The following CADM2 variants were observed in gnomAD, a reference collection of about 807,000 sequenced individuals.
The protein encoded by CADM2 is immunoglobulin superfamily member 4D.
A neutral mutation model predicts 49.8 loss-of-function variants in CADM2; 12 were observed. The ratio of observed to expected loss-of-function variants is 0.24; its 90% CI spans 0.15 to 0.39. CADM2 has a LOEUF of 0.39. Ranked by LOEUF, CADM2 falls within the 10% of genes least tolerant of loss-of-function variation. CADM2 has a pLI of 1.00. For missense variants in CADM2, 378 were observed against 492.3 expected (o/e 0.77, Z 2.20); for synonymous variants, 214 against 175.4 (o/e 1.22, Z -1.74).
intron 1 of CADM2, among the ~76,000 whole-genome samples, chr3:85,725,452 A>G (rs1240961398): frequency 6.6e-6 from 1 of 152,002 alleles, no homozygotes. Context: ...CACATTTCCC[A>G]ATTAGGAGAT....
chr3:85,207,376 T>G (rs1489475258), intron 1 of CADM2, among the ~76,000 whole-genome samples: 1 of 152,160 alleles, frequency 6.6e-6, no homozygotes, highest in African/African-American at 2.4e-5. Context: ...GCTTTATATC[T>G]TGGGTAACAG....
At chr3:85,441,777 G>A (rs2107544540) in intron 1 of CADM2, among the ~76,000 whole-genome samples, 1 of 152,132 alleles carries the variant, frequency 6.6e-6, no homozygotes, top group Non-Finnish European at 1.5e-5. Context: ...TGAATAGAGT[G>A]GGAGGTTATG....
chr3:85,757,317 A>C (rs1453928144), intron 2 of CADM2, among the ~76,000 whole-genome samples: 1 of 152,114 alleles, frequency 6.6e-6, no homozygotes, highest in Non-Finnish European at 1.5e-5. Flanking sequence ...TTAATTGAAC[A>C]CCTACATTAC....
chr3:85,859,309 C>A (rs1281293260), intron 3 of CADM2, among the ~76,000 whole-genome samples: 1 of 137,178 alleles, frequency 7.3e-6, no homozygotes, highest in African/African-American at 2.8e-5. Flanking sequence ...TGGCTCACTG[C>A]AACCTCTGCC....
At chr3:85,649,185 T>G (rs975566535) in intron 1 of CADM2, among the ~76,000 whole-genome samples, 1 of 152,162 alleles carries the variant, frequency 6.6e-6, no homozygotes, top group African/African-American at 2.4e-5. Context: ...CACAGACTCT[T>G]AAGAGATTAA....
intron 6 of CADM2, among the ~76,000 whole-genome samples, chr3:85,924,830 G>T (rs995205860): frequency 6.6e-6 from 1 of 152,018 alleles, no homozygotes; most frequent in Non-Finnish European, 1.5e-5. Flanking sequence ...AACCCGCGAA[G>T]ATTTCTTATT....
intron 1 of CADM2, among the ~76,000 whole-genome samples, chr3:85,312,960 C>G (rs2044382791): frequency 6.6e-6 from 1 of 152,152 alleles, no homozygotes; most frequent in Non-Finnish European, 1.5e-5. Context: ...TTCAACTGTG[C>G]ATTTCCCCTT....
intron 3 of CADM2, among the ~76,000 whole-genome samples, chr3:85,819,481 A>G (rs1428314116): frequency 1.3e-5 from 2 of 152,230 alleles, no homozygotes; most frequent in Non-Finnish European, 2.9e-5. Context: ...TTAAGCAACA[A>G]AAAACTAATT....
intron 2 of CADM2, among the ~76,000 whole-genome samples, chr3:85,764,702 G>A (rs2069568236): frequency 6.6e-6 from 1 of 151,934 alleles, no homozygotes; most frequent in Non-Finnish European, 1.5e-5. Context: ...AAAGGACTGT[G>A]GAAATAACCT....
At chr3:85,088,090 C>G (rs1265884615) in intron 1 of CADM2, among the ~76,000 whole-genome samples, 1 of 152,086 alleles carries the variant, frequency 6.6e-6, no homozygotes, top group Non-Finnish European at 1.5e-5. Flanking sequence ...AATTTTCTGT[C>G]TAATCCTGAA....
chr3:85,498,031 T>C (rs532724853), intron 1 of CADM2, among the ~76,000 whole-genome samples: 1 of 152,230 alleles, frequency 6.6e-6, no homozygotes, highest in African/African-American at 2.4e-5. Flanking sequence ...TTCATAGTAA[T>C]GGACATACAC....
At chr3:85,672,242 G>C (rs2065762654) in intron 1 of CADM2, among the ~76,000 whole-genome samples, 1 of 140,938 alleles carries the variant, frequency 7.1e-6, no homozygotes, top group Non-Finnish European at 1.5e-5. Context: ...GCCCAGGCCA[G>C]AGTGCAGTGG....
chr3:85,950,685 A>G lies in CADM2; in HGVS notation c.792-10784A>G, dbSNP rs560811843. ...GAGGCAAGAAGTGCCTTAAAAAATC[A>G]GAATCAAGTAGCACATGCTGATATT... On this transcript the variant is annotated intron_variant, in intron 7 of 9. Coordinates refer to ENST00000383699, the MANE Select transcript of CADM2 (RefSeq NM_001167675.2). Among the ~76,000 whole-genome samples, 21 of 151,286 alleles carry G rather than the reference A, an allele frequency of 1.4e-4. No individual in the cohort carries two copies. The South Asian group carries it at 4.4e-3, about 31-fold the overall frequency.
intron 1 of CADM2, among the ~76,000 whole-genome samples, chr3:85,101,632 C>A (rs746177312): frequency 4.6e-5 from 7 of 152,038 alleles, no homozygotes; most frequent in Non-Finnish European, 8.8e-5. Context: ...TCAAAATATT[C>A]TTTAAAAAAA....
intron 1 of CADM2, among the ~76,000 whole-genome samples, chr3:85,721,608 C>G (rs1238346089): frequency 6.6e-6 from 1 of 152,190 alleles, no homozygotes; most frequent in African/African-American, 2.4e-5. Flanking sequence ...TGGGCACCAG[C>G]TCTCCGTGAG....
chr3:85,164,773 T>C (rs575003075), intron 1 of CADM2, among the ~76,000 whole-genome samples: 4 of 152,186 alleles, frequency 2.6e-5, no homozygotes, highest in African/African-American at 9.6e-5. Context: ...CATGATGCTA[T>C]TTATACATTA....
chr3:85,976,950 T>C (rs1726860864), intron 8 of CADM2, among the ~76,000 whole-genome samples: 1 of 151,534 alleles, frequency 6.6e-6, no homozygotes. Flanking sequence ...GAAAAATGTA[T>C]GCTTAATGCG....
At chr3:85,831,015 G>A (rs1362832145) in intron 3 of CADM2, among the ~76,000 whole-genome samples, 3 of 151,472 alleles carry the variant, frequency 2.0e-5, no homozygotes, top group East Asian at 2.0e-4. Context: ...AGTGGTCCCC[G>A]TTGTCTCGTG....
intron 6 of CADM2, among the ~76,000 whole-genome samples, chr3:85,932,736 G>T (rs1234563498): frequency 6.6e-6 from 1 of 152,110 alleles, no homozygotes; most frequent in Non-Finnish European, 1.5e-5. Flanking sequence ...CTGTTTTTGT[G>T]TGTGTGTGTT....
Sources: gnomAD v4.1 joint callset for allele counts (sites outside exome capture counted in the v4.1 genomes callset) on GRCh38, gnomAD v4.1.1 for gene constraint, MANE v1.5 for transcripts, NCBI Gene and HGNC (gene_info 2026-07-23, HGNC 2026-07-21) for gene names.